GRM8: variants seen among roughly 807,000 people sequenced by gnomAD.
GRM8 encodes the protein metabotropic glutamate receptor 8.
Under a neutral mutation model 87.2 loss-of-function variants are expected in GRM8, and 47 were observed. The ratio of observed to expected loss-of-function variants is 0.54; its 90% CI spans 0.43 to 0.69. The LOEUF is 0.69. Among genes scored for constraint, GRM8 ranks in the 30% least tolerant of loss-of-function variants. The probability of loss-of-function intolerance (pLI) is 0.00; values close to 1 mark genes in which losing one functional copy is unlikely to be tolerated. For synonymous variants in GRM8, 396 were observed against 404.5 expected (o/e 0.98, Z 0.25); for missense variants, 1,019 against 1,139.2 (o/e 0.89, Z 1.52).
intron 9 of GRM8, among the ~76,000 whole-genome samples, chr7:126,496,244 G>A (rs1808712297): frequency 6.6e-6 from 1 of 151,734 alleles, no homozygotes; most frequent in African/African-American, 2.4e-5. Context: ...CAGTGTGGAA[G>A]GAAGGATGGA....
chr7:126,720,650 A>G (rs1812295225), intron 7 of GRM8, among the ~76,000 whole-genome samples: 1 of 152,182 alleles, frequency 6.6e-6, no homozygotes, highest in South Asian at 2.1e-4. Context: ...TCCAAGATTC[A>G]TAATTCTAAT....
intron 9 of GRM8, among the ~76,000 whole-genome samples, chr7:126,471,137 G>A (rs1308581927): frequency 2.0e-5 from 3 of 151,750 alleles, no homozygotes; most frequent in Non-Finnish European, 3.0e-5. Context: ...CCATTTTGTG[G>A]GTTGCCTGTT....
chr7:126,473,514 G>T, intron 9 of GRM8, among the ~76,000 whole-genome samples: 1 of 152,172 alleles, frequency 6.6e-6, no homozygotes, highest in South Asian at 2.1e-4. Flanking sequence ...TTTTGATTAT[G>T]TAGGCTTATA....
At chr7:126,947,361 AAT>A (rs1807653758) in intron 3 of GRM8, among the ~76,000 whole-genome samples, 1 of 152,174 alleles carries the variant, frequency 6.6e-6, no homozygotes, top group African/African-American at 2.4e-5. Context: ...ATTATCAGTC[AAT>A]ATTATTCAAC....
At chr7:126,616,687 AG>A (rs1482311958) in intron 7 of GRM8, among the ~76,000 whole-genome samples, 3 of 152,212 alleles carry the variant, frequency 2.0e-5, no homozygotes, top group African/African-American at 7.2e-5. Context: ...AAAATGATAA[AG>A]GGGATATCAC....
intron 3 of GRM8, among the ~76,000 whole-genome samples, chr7:127,018,138 T>C (rs1380949988): frequency 6.6e-6 from 1 of 150,774 alleles, no homozygotes; most frequent in African/African-American, 2.4e-5. Context: ...CCAATAAGAG[T>C]AATTGTAATA....
At chr7:127,048,346 G>A (rs1354998211) in intron 3 of GRM8, among the ~76,000 whole-genome samples, 1 of 152,186 alleles carries the variant, frequency 6.6e-6, no homozygotes, top group Non-Finnish European at 1.5e-5. Flanking sequence ...GAGAATAGGA[G>A]GTGAGATCAG....
intron 6 of GRM8, among the ~76,000 whole-genome samples, chr7:126,857,802 G>A (rs992903621): frequency 6.6e-6 from 1 of 152,126 alleles, no homozygotes; most frequent in African/African-American, 2.4e-5. Flanking sequence ...TGAAAATAGA[G>A]AACATCTGTG....
chr7:126,527,216 G>A (rs1813992977), intron 9 of GRM8, among the ~76,000 whole-genome samples: 1 of 152,094 alleles, frequency 6.6e-6, no homozygotes, highest in Non-Finnish European at 1.5e-5. Context: ...AAATTAGCTG[G>A]GCATAGTGGT....
At chr7:126,755,951 T>C (rs541062535) in intron 7 of GRM8, among the ~76,000 whole-genome samples, 186 of 152,118 alleles carry the variant, frequency 1.2e-3, no homozygotes, top group African/African-American at 4.4e-3. Context: ...CCATGGGTAA[T>C]TCTTCAATTC....
intron 6 of GRM8, among the ~76,000 whole-genome samples, chr7:126,794,441 A>C (rs1163827052): frequency 6.6e-6 from 1 of 152,130 alleles, no homozygotes; most frequent in Admixed American, 6.6e-5. Flanking sequence ...CCCATTTTCC[A>C]ATTCAGAAGA....
chr7:126,533,675 G>A lies in GRM8; in HGVS notation c.1707C>T (p.Cys569=). 1.2e-6 allele frequency: 2 copies of A among 1,614,048 alleles called. No individual in the cohort carries two copies. The highest frequency in any genetic ancestry group is 1.7e-6 in the Non-Finnish European group (2 of 1,179,956). The change falls in exon 9 of 11, where the codon TGC becomes TGT. Residue 569 remains cysteine, a synonymous_variant. Coordinates refer to ENST00000339582, the MANE Select transcript of GRM8 (RefSeq NM_000845.3). ...DQRPNMNRTG[C]QLIPIIKLEW... ...CCAATTTGATGATGGGGATAAGCTG[G>A]CAGCCTGTGCGGTTCATGTTGGGTC...
At chr7:126,621,194 T>C (rs1034584195) in intron 7 of GRM8, among the ~76,000 whole-genome samples, 1 of 152,198 alleles carries the variant, frequency 6.6e-6, no homozygotes, top group South Asian at 2.1e-4. Context: ...ATTCACATAT[T>C]TGAATTAAAA....
chr7:126,630,582 A>G (rs1352059304), intron 7 of GRM8, among the ~76,000 whole-genome samples: 1 of 152,008 alleles, frequency 6.6e-6, no homozygotes, highest in Admixed American at 6.6e-5. Context: ...TACAACAACA[A>G]AAAACTTCAG....
intron 6 of GRM8, among the ~76,000 whole-genome samples, chr7:126,796,932 G>A (rs1822013574): frequency 6.6e-6 from 1 of 152,142 alleles, no homozygotes; most frequent in South Asian, 2.1e-4. Flanking sequence ...ATAAATGTGG[G>A]TTGCGAGATT....
chr7:127,168,602 C>G (rs555558630), intron 2 of GRM8, among the ~76,000 whole-genome samples: 35 of 152,236 alleles, frequency 2.3e-4, no homozygotes, highest in East Asian at 1.5e-3. Context: ...AGACTTGGAA[C>G]CAACCCAAAT....
chr7:126,571,534 G>A (rs1330592335), intron 8 of GRM8, among the ~76,000 whole-genome samples: 1 of 152,054 alleles, frequency 6.6e-6, no homozygotes, highest in Admixed American at 6.6e-5. Flanking sequence ...ACAAAATTCT[G>A]GGAATAGTAA....
intron 2 of GRM8, among the ~76,000 whole-genome samples, chr7:127,173,920 T>G (rs1793954197): frequency 6.6e-6 from 1 of 152,174 alleles, no homozygotes; most frequent in Non-Finnish European, 1.5e-5. Context: ...CCTACTATCT[T>G]CAAGACTCTT....
chr7:127,080,492 G>A (rs1227340376), intron 3 of GRM8, among the ~76,000 whole-genome samples: 9 of 152,068 alleles, frequency 5.9e-5, no homozygotes, highest in Non-Finnish European at 1.3e-4. Context: ...TGGTCACCAC[G>A]GTGGCAATTC....
Sources: allele counts gnomAD v4.1 joint callset (sites outside exome capture counted in the v4.1 genomes callset), GRCh38; gene constraint gnomAD v4.1.1; transcripts MANE v1.5; gene names NCBI Gene and HGNC (gene_info 2026-07-23, HGNC 2026-07-21).